The following ZDBF2 variants were observed in gnomAD, a reference collection of about 807,000 sequenced individuals.
ZDBF2 encodes DBF4-type zinc finger-containing protein 2.
Under a neutral mutation model 9.4 loss-of-function variants are expected in ZDBF2, and 6 were observed. That is an observed-to-expected ratio of 0.64 (90% confidence interval 0.35 to 1.27). ZDBF2 has a LOEUF of 1.27. Among genes scored for constraint, ZDBF2 ranks in the 50% most tolerant of loss-of-function variants. ZDBF2 has a pLI of 0.03. For synonymous variants in ZDBF2, 905 were observed against 946.3 expected, an observed-to-expected ratio of 0.96 and a Z score of 0.80; for missense variants, 2,697 against 2,766.8, an observed-to-expected ratio of 0.97 and a Z score of 0.57.
rs190847066 is a variant in ZDBF2, at chr2:206,303,722, T to A, written c.189-995T>A. Among the ~76,000 whole-genome samples the A allele has an allele frequency of 4.6e-5, 7 of 152,312 alleles. No individual in the cohort carries two copies. The East Asian group carries it at 1.3e-3, about 29-fold the overall frequency. ...TAGTCACTTCCCTAGAGGTAACACT[T>A]GACACCTCTAGACTTCTACAGTTGT... On this transcript the variant is annotated intron_variant, in intron 4 of 4. Coordinates refer to ENST00000374423, the MANE Select transcript of ZDBF2 (RefSeq NM_020923.3).
intron 3 of ZDBF2, among the ~76,000 whole-genome samples, chr2:206,287,462 T>G (rs1691661358): frequency 6.6e-6 from 1 of 152,244 alleles, no homozygotes; most frequent in African/African-American, 2.4e-5. Context: ...ATGATTCCCT[T>G]ATATGTGACT....
At chr2:206,286,672 AG>A (rs1218590633) in intron 3 of ZDBF2, among the ~76,000 whole-genome samples, 1 of 152,158 alleles carries the variant, frequency 6.6e-6, no homozygotes, top group Non-Finnish European at 1.5e-5. Context: ...CAGGGACTAC[AG>A]GTGCATGCCA....
In ZDBF2 at chr2:206,307,493, C is replaced by T; in HGVS notation, c.2965C>T (p.Gln989Ter). 1.2e-6 allele frequency: 2 copies of T among 1,613,234 alleles called. No homozygotes were observed. Among genetic ancestry groups the T allele is most frequent in the African/African-American group, 1.3e-5 (1 of 75,008 alleles). ...TCAAAGAGAAAAGCACGCTGAATTC[C>T]AAGGTAGAAGTACTGAATTCAGTGG... ...WLQREKHAEF[Q>*]GRSTEFSGSK... The change falls in exon 5 of 5, where the codon CAA becomes TAA. Residue 989 changes from glutamine (Q) to a stop codon, truncating the protein, a stop_gained. Transcript: ENST00000374423. LOFTEE classifies it low-confidence loss of function (END_TRUNC).
At position 206,307,629 on chromosome 2, in the gene ZDBF2, A is replaced by C; in HGVS notation, c.3101A>C (p.Asp1034Ala). 1 of 1,612,312 alleles carries C rather than the reference A, an allele frequency of 6.2e-7. No homozygotes were observed. The change falls in exon 5 of 5, where the codon GAT (aspartate) becomes GCT (alanine). Residue 1034 changes from aspartate to alanine, a missense_variant. Physicochemically the swap from Asp to Ala is moderately radical, Grantham distance 126 (BLOSUM62 -2). Transcript: ENST00000374423. ...KKQYVLENKN[D>A]KCSGSEIILD... is the part of the protein sequence containing the mutation. Reference sequence around the variant, plus strand: ...CAATATGTTCTAGAAAACAAGAATGATAAATGTAGTGGTTCTGAAATAATT... The same window carrying C: ...CAATATGTTCTAGAAAACAAGAATGCTAAATGTAGTGGTTCTGAAATAATT...
intron 4 of ZDBF2, among the ~76,000 whole-genome samples, chr2:206,303,637 C>T (rs1393773428): frequency 6.6e-6 from 1 of 152,088 alleles, no homozygotes; most frequent in Non-Finnish European, 1.5e-5. Context: ...AATACATATA[C>T]ATAGACATAA....
At chr2:206,284,656 G>A (rs866961318) in intron 3 of ZDBF2, among the ~76,000 whole-genome samples, 8 of 152,000 alleles carry the variant, frequency 5.3e-5, no homozygotes, top group South Asian at 4.2e-4. Context: ...CTAGTTTTAC[G>A]AGCACAACTT....
chr2:206,302,341 A>G (rs1156612700), intron 4 of ZDBF2, among the ~76,000 whole-genome samples: 1 of 151,994 alleles, frequency 6.6e-6, no homozygotes, highest in East Asian at 1.9e-4. Flanking sequence ...TAATGGTTAG[A>G]TTTTTAGAGA....
intron 3 of ZDBF2, among the ~76,000 whole-genome samples, chr2:206,286,410 A>ATCAT (rs1235859682): frequency 6.6e-6 from 1 of 152,020 alleles, no homozygotes; most frequent in African/African-American, 2.4e-5. Flanking sequence ...TGATCCCTTT[A>ATCAT]TCATTATATG....
At chr2:206,293,356 T>G (rs1691997319) in intron 3 of ZDBF2, among the ~76,000 whole-genome samples, 1 of 152,092 alleles carries the variant, frequency 6.6e-6, no homozygotes, top group South Asian at 2.1e-4. Flanking sequence ...TAGTAAAGCT[T>G]CTAGAAACAG....
intron 2 of ZDBF2, among the ~76,000 whole-genome samples, chr2:206,280,636 AATTG>A (rs1691265392): frequency 6.6e-6 from 1 of 152,198 alleles, no homozygotes; most frequent in South Asian, 2.1e-4. Flanking sequence ...AGGCTGGTTT[AATTG>A]ATTAATTTTC....
chr2:206,302,318 G>A (rs1167111855), intron 4 of ZDBF2, among the ~76,000 whole-genome samples: 1 of 151,934 alleles, frequency 6.6e-6, no homozygotes, highest in Non-Finnish European at 1.5e-5. Context: ...CCAAAAGAGT[G>A]GTTTTTAATC....
chr2:206,302,875 T>C (rs1692573716), intron 4 of ZDBF2, among the ~76,000 whole-genome samples: 1 of 152,072 alleles, frequency 6.6e-6, no homozygotes, highest in Non-Finnish European at 1.5e-5. Flanking sequence ...ATTGGAAAAA[T>C]TCAATAAATT....
rs1464733028 is a variant in ZDBF2, at chr2:206,310,436, AG to A, written c.5909del (p.Ser1970IlefsTer31). On this transcript the variant is annotated frameshift_variant, in exon 5 of 5. Transcript: ENST00000374423. LOFTEE classifies it low-confidence loss of function (END_TRUNC). ...IIRQEEDPPKSKCSRLQDDRK... is the reference protein window; with the variant it reads ...IIRQEEDPPKXKCSRLQDDRK... The stretch of plus-strand genomic sequence containing the variant: ...TAGACAAGAGGAAGACCCACCAAAA[AG>A]TAAGTGTTCACGTTTACAGGATGAC... 6.2e-7 allele frequency: 1 copy of A among 1,614,030 alleles called. No individual in the cohort carries two copies. Among genetic ancestry groups the A allele is most frequent in the African/African-American group, 1.3e-5 (1 of 75,058 alleles).
At position 206,306,386 on chromosome 2, in the gene ZDBF2, A is replaced by C; in HGVS notation, c.1858A>C (p.Ser620Arg). The C allele has an allele frequency of 1.2e-6, 2 of 1,613,852 alleles. No homozygotes were observed. The highest frequency in any genetic ancestry group is 1.7e-6 in the Non-Finnish European group (2 of 1,179,814). The change falls in exon 5 of 5, where the codon AGT (serine) becomes CGT (arginine). Residue 620 changes from serine to arginine, a missense_variant. Physicochemically the swap from Ser to Arg is moderately radical, Grantham distance 110. This residue lies in a region of ZDBF2 where 910 missense variants were observed against 973.6 expected (regional missense o/e 0.93). Transcript: ENST00000374423. ...VHLKHKKRKP[S>R]SAKAHLDCDV... is the part of the protein sequence containing the mutation. ...CCTAAAACATAAGAAGCGTAAACCCAGTAGTGCTAAAGCACATCTTGATTG... is the reference window on the plus strand; with the variant it reads ...CCTAAAACATAAGAAGCGTAAACCCCGTAGTGCTAAAGCACATCTTGATTG...
chr2:206,301,149 GAT>G (rs1388148077), intron 4 of ZDBF2, among the ~76,000 whole-genome samples: 1 of 152,016 alleles, frequency 6.6e-6, no homozygotes, highest in African/African-American at 2.4e-5. Flanking sequence ...TTTATTCTAT[GAT>G]ATGTTTGTTA....
intron 3 of ZDBF2, among the ~76,000 whole-genome samples, chr2:206,287,405 T>C (rs1282239587): frequency 2.6e-5 from 4 of 152,332 alleles, no homozygotes; most frequent in South Asian, 2.1e-4. Context: ...TCCCATTCTT[T>C]GCTGGCCTGT....
chr2:206,311,217 A>T lies in ZDBF2; in HGVS notation c.6689A>T (p.Tyr2230Phe). 1 of 1,612,038 alleles carries T rather than the reference A, an allele frequency of 6.2e-7. No individual in the cohort carries two copies. Among genetic ancestry groups the T allele is most frequent in the East Asian group, 2.2e-5 (1 of 44,868 alleles). The change falls in exon 5 of 5, where the codon TAC becomes TTC. Residue 2230 changes from tyrosine (Y) to phenylalanine (F), a missense_variant. Transcript: ENST00000374423. ...SDIIRKYISK[Y>F]SVFLRHRYQS... is the part of the protein sequence containing the mutation. ...ATCATTAGAAAGTATATTTCGAAAT[A>T]CTCTGTCTTTTTACGTCATAGATAT...
In ZDBF2 at chr2:206,308,223, A is replaced by G. The variant is rs1692927102; in HGVS notation, c.3695A>G (p.Glu1232Gly). ...SLWKDEEVDT[E>G]DRRNEAKGFE... ...TGGAAGGATGAAGAAGTTGACACGG[A>G]AGATAGGAGAAATGAAGCTAAGGGT... The change falls in exon 5 of 5, where the codon GAA becomes GGA. Residue 1232 changes from glutamate to glycine, a missense_variant. Glu to Gly is a moderately conservative substitution (Grantham distance 98, BLOSUM62 -2). Around this residue, in one of 3 missense-constraint regions of ZDBF2, gnomAD observed 1,783 missense variants for 1,776.5 expected, o/e 1.00. Transcript: ENST00000374423. 1 of 1,613,910 alleles carries G rather than the reference A, an allele frequency of 6.2e-7. No homozygotes were observed. The highest frequency in any genetic ancestry group is 8.5e-7 in the Non-Finnish European group (1 of 1,179,840).
chr2:206,291,529 C>T (rs892023490), intron 3 of ZDBF2, among the ~76,000 whole-genome samples: 6 of 152,120 alleles, frequency 3.9e-5, no homozygotes, highest in Non-Finnish European at 8.8e-5. Context: ...TATAAGGCCG[C>T]CAATCCTATT....
Sources: allele counts gnomAD v4.1 joint callset (sites outside exome capture counted in the v4.1 genomes callset), GRCh38; gene constraint gnomAD v4.1.1; regional missense constraint gnomAD v4.1.1; transcripts MANE v1.5; gene names NCBI Gene and HGNC (gene_info 2026-07-23, HGNC 2026-07-21).